The following OSBPL10 variants were observed in gnomAD, a reference collection of about 807,000 sequenced individuals.
The protein encoded by OSBPL10 is oxysterol binding protein like 10.
Under a neutral mutation model 81.7 loss-of-function variants are expected in OSBPL10, and 49 were observed. That is an observed-to-expected ratio of 0.60 (90% CI 0.48 to 0.76). The LOEUF (loss-of-function observed/expected upper bound fraction) is 0.76. Ranked by LOEUF, OSBPL10 falls within the 30% of genes least tolerant of loss-of-function variation. The pLI is 0.00. For missense variants in OSBPL10, 923 were observed against 987.8 expected (o/e 0.93, Z 0.88); for synonymous variants, 419 against 383.6 (o/e 1.09, Z -1.08).
chr3:31,688,287 A>T (rs1039020072), intron 7 of OSBPL10, among the ~76,000 whole-genome samples: 28 of 144,448 alleles, frequency 1.9e-4, no homozygotes, highest in East Asian at 1.0e-3. Flanking sequence ...TCTCTCTCAC[A>T]CACACACACA....
chr3:31,700,533 C>A (rs116776517), intron 7 of OSBPL10: 1 of 152,056 alleles, frequency 6.6e-6, no homozygotes, highest in Non-Finnish European at 1.5e-5. Context: ...ACCCAGTACA[C>A]ATGTATCAAA....
Position 31,684,103 on chromosome 3 carries a change from G to T in OSBPL10, c.1257C>A (p.Pro419=). 6.2e-7 allele frequency: 1 copy of T among 1,612,634 alleles called. No individual in the cohort carries two copies. The highest frequency in any genetic ancestry group is 1.1e-5 in the South Asian group (1 of 91,052). ...AAGATCGCTTCTCCAGGATAAAGGT[G>T]GGAAGCACCACCTGCATTTGGAAGG... ...LGMDLTKVVL[P]TFILEKRSLL... is the part of the protein sequence containing the mutation. Residue 419 remains proline, a synonymous_variant, in exon 8 of 12, where the codon CCC becomes CCA. Coordinates refer to ENST00000396556, the MANE Select transcript of OSBPL10 (RefSeq NM_017784.5).
intron 4 of OSBPL10, among the ~76,000 whole-genome samples, chr3:31,782,860 A>G (rs1698733577): frequency 6.6e-6 from 1 of 152,152 alleles, no homozygotes; most frequent in Admixed American, 6.5e-5. Context: ...TAGCGTAACC[A>G]TTATGGAAAA....
rs779886387 is a variant in OSBPL10 at position 31,989,825 on chromosome 3, A to C, written n.298+56666T>G. On this transcript the variant is annotated intron_variant and non_coding_transcript_variant, in intron 2 of 3. Coordinates refer to the OSBPL10 transcript ENST00000479173. ...TGTAGCTCACTCTTAAGGAAACATC[A>C]GATAATCTATTTAGGAGGGAAACAA... The C allele has an allele frequency of 2.5e-6, 4 of 1,614,094 alleles. No individual in the cohort carries two copies. Among genetic ancestry groups the C allele is most frequent in the Non-Finnish European group, 3.4e-6 (4 of 1,180,032 alleles).
chr3:31,910,265 C>T (rs1696535152), intron 1 of OSBPL10, among the ~76,000 whole-genome samples: 1 of 151,926 alleles, frequency 6.6e-6, no homozygotes, highest in Admixed American at 6.6e-5. Context: ...AGGTGTGAGC[C>T]AGTGCACCTA....
chr3:31,760,666 G>A (rs1698006634), intron 4 of OSBPL10, among the ~76,000 whole-genome samples: 1 of 152,132 alleles, frequency 6.6e-6, no homozygotes, highest in African/African-American at 2.4e-5. Context: ...AGATACGGAG[G>A]GCTGACTGTA....
chr3:31,728,684 C>G (rs913919613), intron 6 of OSBPL10, among the ~76,000 whole-genome samples: 5 of 151,964 alleles, frequency 3.3e-5, no homozygotes, highest in African/African-American at 1.2e-4. Context: ...TATGACATTC[C>G]GGGAAAGACA....
chr3:31,845,186 G>A (rs537733594), intron 3 of OSBPL10, among the ~76,000 whole-genome samples: 4 of 152,110 alleles, frequency 2.6e-5, no homozygotes, highest in Admixed American at 6.5e-5. Context: ...ACCCTCCACC[G>A]GCAATTCTAA....
intron 1 of OSBPL10, among the ~76,000 whole-genome samples, chr3:31,938,873 C>T (rs142970599): frequency 8.5e-4 from 130 of 152,252 alleles, no homozygotes; most frequent in African/African-American, 2.8e-3. Context: ...CACTCTCAGA[C>T]GATAACCTCA....
intron 1 of OSBPL10, among the ~76,000 whole-genome samples, chr3:32,056,118 AT>A (rs1159520448): frequency 1.3e-5 from 2 of 152,232 alleles, no homozygotes; most frequent in Non-Finnish European, 2.9e-5. Context: ...TTTGCTTTTA[AT>A]AAAAATAAGA....
chr3:31,827,034 GA>G (rs373684868), intron 4 of OSBPL10, among the ~76,000 whole-genome samples: 282 of 152,232 alleles, frequency 1.9e-3, no homozygotes, highest in African/African-American at 6.2e-3. Context: ...TGTCACCCAA[GA>G]GTACAAAAGC....
chr3:32,049,137 A>G (rs888892665), intron 1 of OSBPL10, among the ~76,000 whole-genome samples: 1 of 152,232 alleles, frequency 6.6e-6, no homozygotes, highest in African/African-American at 2.4e-5. Flanking sequence ...AGAAATAACT[A>G]TAAGTATACT....
In OSBPL10 at chr3:32,039,422, C is replaced by T. The variant is rs950876981; in HGVS notation, n.298+7069G>A. Among the ~76,000 whole-genome samples the T allele has an allele frequency of 3.3e-5, 5 of 149,686 alleles. No homozygotes were observed. The South Asian group carries it at 6.5e-4, about 19-fold the overall frequency. On this transcript the variant is annotated intron_variant and non_coding_transcript_variant, in intron 2 of 3. Coordinates refer to the OSBPL10 transcript ENST00000479173. Reference sequence around the variant, plus strand: ...CTATAATCCCAGCACTTTGGGAGGCCGAGGCGGGCAGATAACAAGGAGGTC... The same window carrying T: ...CTATAATCCCAGCACTTTGGGAGGCTGAGGCGGGCAGATAACAAGGAGGTC...
intron 3 of OSBPL10, among the ~76,000 whole-genome samples, chr3:31,844,776 A>G (rs1233948202): frequency 2.0e-5 from 3 of 152,240 alleles, no homozygotes; most frequent in Non-Finnish European, 4.4e-5. Context: ...TGTCCTCTTT[A>G]AAAATGGCTA....
intron 4 of OSBPL10, among the ~76,000 whole-genome samples, chr3:31,765,586 A>G (rs1386879556): frequency 6.6e-6 from 1 of 152,166 alleles, no homozygotes; most frequent in Non-Finnish European, 1.5e-5. Flanking sequence ...CTCCCTTCGG[A>G]CAGGTAAGAA....
chr3:31,813,270 C>A (rs1431485295), intron 4 of OSBPL10, among the ~76,000 whole-genome samples: 1 of 152,134 alleles, frequency 6.6e-6, no homozygotes, highest in South Asian at 2.1e-4. Flanking sequence ...ACAACCCAGC[C>A]TACTGTCTTC....
In OSBPL10 at chr3:32,039,225, C is replaced by T. The variant is rs564748443; in HGVS notation, n.298+7266G>A. 2.6e-5 allele frequency among the ~76,000 whole-genome samples: 4 copies of T among 151,848 alleles called. No individual in the cohort carries two copies. In the South Asian group the frequency reaches 8.3e-4, roughly 32 times the overall value. On this transcript the variant is annotated intron_variant and non_coding_transcript_variant, in intron 2 of 3. Transcript: ENST00000479173. Reference sequence around the variant, plus strand: ...CCTGTAATCTCAGCTACTTAGGAGGCTGAGGCACAAGAATCGCTTGAACCT... The same window carrying T: ...CCTGTAATCTCAGCTACTTAGGAGGTTGAGGCACAAGAATCGCTTGAACCT...
Position 31,684,011 on chromosome 3 carries a change from G to A in OSBPL10, c.1349C>T (p.Thr450Ile). The change falls in exon 8 of 12, where the codon ACA becomes ATA. Residue 450 changes from threonine (T) to isoleucine (I), a missense_variant. Thr to Ile is a moderately conservative substitution (Grantham distance 89). This residue lies in a region of OSBPL10 where 387 missense variants were observed against 436.3 expected (regional missense o/e 0.89). Coordinates refer to ENST00000396556, the MANE Select transcript of OSBPL10 (RefSeq NM_017784.5). ...GAAGCAAATGACTCTCTCCTCTGGT[G>A]TGGCCCCAGCGGTGATGGCCAGCAG... ...DLLLAITAGA[T>I]PEERVICFVE... The A allele has an allele frequency of 6.2e-7, 1 of 1,614,232 alleles. No homozygotes were observed. Among genetic ancestry groups the A allele is most frequent in the South Asian group, 1.1e-5 (1 of 91,086 alleles).
At chr3:31,964,239 C>A (rs1698250384) in intron 1 of OSBPL10, among the ~76,000 whole-genome samples, 1 of 152,094 alleles carries the variant, frequency 6.6e-6, no homozygotes. Flanking sequence ...TCACTGCAAC[C>A]TCTGCCTCCC....
Sources: allele counts gnomAD v4.1 joint callset (sites outside exome capture counted in the v4.1 genomes callset), GRCh38; gene constraint gnomAD v4.1.1; regional missense constraint gnomAD v4.1.1; transcripts MANE v1.5; gene names NCBI Gene and HGNC (gene_info 2026-07-23, HGNC 2026-07-21).